Variants in SBNO1 observed in about 807,000 individuals in gnomAD.
The protein encoded by SBNO1 is protein strawberry notch homolog 1.
A neutral mutation model predicts 173.6 loss-of-function variants in SBNO1; 23 were observed. That is an observed-to-expected ratio of 0.13 (90% CI 0.10 to 0.19). The LOEUF is 0.19. SBNO1 is among the 10% of genes least tolerant of loss of function. The pLI is 1.00. For missense variants in SBNO1, 1,238 were observed against 1,671.2 expected (o/e 0.74, Z 4.52); for synonymous variants, 632 against 571.5 (o/e 1.11, Z -1.51).
At position 123,313,600 on chromosome 12, in the gene SBNO1, T is replaced by A. The variant is rs369607448; in HGVS notation, c.3220+20A>T. The A allele has an allele frequency of 8.3e-7, 1 of 1,208,766 alleles. No homozygotes were observed. The allele number at this position is 1,208,766 out of a possible 1,614,324, so 74.9% of individuals were successfully genotyped here. On this transcript the variant is annotated intron_variant, in intron 24 of 31. Transcript: ENST00000602398. ...TTGTCAATAATCATTGTCATTGTTA[T>A]GAATATTTGTAGAAGTTACCTTTAA...
intron 7 of SBNO1, among the ~76,000 whole-genome samples, chr12:123,333,103 G>C (rs1411551928): frequency 7.3e-6 from 1 of 137,088 alleles, no homozygotes; most frequent in South Asian, 2.6e-4. Flanking sequence ...CAGCCTGGAC[G>C]ACACAGTGAG....
chr12:123,315,102 T>A (rs150837565), intron 23 of SBNO1, among the ~76,000 whole-genome samples: 1 of 152,248 alleles, frequency 6.6e-6, no homozygotes, highest in African/African-American at 2.4e-5. Context: ...ATGAGAAAAA[T>A]TAACTTCCTT....
chr12:123,337,899 AT>A, intron 5 of SBNO1, among the ~76,000 whole-genome samples: 1 of 152,208 alleles, frequency 6.6e-6, no homozygotes, highest in East Asian at 1.9e-4. Context: ...GTTTTTTAAA[AT>A]CATCATAAAA....
intron 16 of SBNO1, among the ~76,000 whole-genome samples, chr12:123,322,541 G>A (rs1392579908): frequency 2.0e-5 from 3 of 151,548 alleles, no homozygotes; most frequent in South Asian, 2.1e-4. Context: ...CAGGTGATCC[G>A]CCTGTTTCAA....
At chr12:123,323,004 CATT>C (rs1870181748) in intron 16 of SBNO1, among the ~76,000 whole-genome samples, 1 of 152,160 alleles carries the variant, frequency 6.6e-6, no homozygotes, top group South Asian at 2.1e-4. Context: ...TCCCATGCAT[CATT>C]AACTATCTCT....
At chr12:123,333,718 G>A (rs1010672918) in intron 7 of SBNO1, among the ~76,000 whole-genome samples, 2 of 151,854 alleles carry the variant, frequency 1.3e-5, no homozygotes, top group African/African-American at 4.8e-5. Context: ...GACTGGTCGC[G>A]AACTCCTGGG....
chr12:123,302,607 C>A (rs1222679322), intron 30 of SBNO1, among the ~76,000 whole-genome samples: 1 of 152,116 alleles, frequency 6.6e-6, no homozygotes, highest in African/African-American at 2.4e-5. Flanking sequence ...CAACAGTTGG[C>A]TGGAAATAAG....
At chr12:123,331,837 C>T (rs1013205929) in intron 7 of SBNO1, among the ~76,000 whole-genome samples, 4 of 151,212 alleles carry the variant, frequency 2.6e-5, no homozygotes, top group Admixed American at 1.3e-4. Flanking sequence ...ATAGTTTTGG[C>T]TTTAATGTGG....
intron 4 of SBNO1, among the ~76,000 whole-genome samples, chr12:123,344,617 G>C (rs927112067): frequency 6.6e-6 from 1 of 152,172 alleles, no homozygotes. Context: ...GGGAGGCTAA[G>C]GTGGGCAGAC....
At chr12:123,357,606 TGGCG>T (rs1453402105) in intron 1 of SBNO1, among the ~76,000 whole-genome samples, 39 of 862 alleles carry the variant, frequency 0.045, no homozygotes, top group African/African-American at 0.057. Flanking sequence ...CTGGGCATGG[TGGCG>T]GGTGCCTGGT....
chr12:123,364,324 C>T, intron 1 of SBNO1: 1 of 985,664 alleles, frequency 1.0e-6, no homozygotes, highest in Non-Finnish European at 1.2e-6. Context: ...CCCGCAGCCC[C>T]CGGGTTGTGA....
intron 7 of SBNO1, among the ~76,000 whole-genome samples, chr12:123,333,265 T>A (rs1272158129): frequency 7.2e-6 from 1 of 138,906 alleles, no homozygotes; most frequent in African/African-American, 2.7e-5. Flanking sequence ...ATGACTGAAA[T>A]CATTTCAAGA....
At chr12:123,315,176 C>A (rs565962687) in intron 23 of SBNO1, among the ~76,000 whole-genome samples, 197 bp downstream of exon 23, 1 of 152,298 alleles carries the variant, frequency 6.6e-6, no homozygotes, top group South Asian at 2.1e-4. Flanking sequence ...GGAATAAAGA[C>A]AACTACATTG....
rs2048518144 is a variant in SBNO1 at position 123,291,884 on chromosome 12, TTAG to T, written c.*4021_*4023del. ...ACATATATATAAATACAGCACAAAA[TTAG>T]AGGGTGGGTTTTGGATTTTATCTCA... On this transcript the variant is annotated 3_prime_UTR_variant, in exon 32 of 32. Transcript: ENST00000602398. 1 of 151,892 alleles carries T rather than the reference TTAG, an allele frequency of 6.6e-6. No homozygotes were observed. Among genetic ancestry groups the T allele is most frequent in the Non-Finnish European group, 1.5e-5 (1 of 67,986 alleles). The allele number at this position is 151,892 out of a possible 1,614,324, so 9.4% of individuals were successfully genotyped here.
intron 13 of SBNO1, among the ~76,000 whole-genome samples, chr12:123,326,994 GTTTTTGT>G (rs1566037871): frequency 6.6e-6 from 1 of 151,942 alleles, no homozygotes; most frequent in Admixed American, 6.6e-5. Flanking sequence ...TCATCTGTTT[GTTTTTGT>G]TTTTTGTTTT....
chr12:123,361,744 A>AAG (rs1487828926), intron 1 of SBNO1, among the ~76,000 whole-genome samples: 1 of 150,624 alleles, frequency 6.6e-6, no homozygotes, highest in Admixed American at 6.6e-5. Flanking sequence ...AAAAAAAAAA[A>AAG]ATACAAAATT....
At chr12:123,338,807 A>T (rs1207172526) in intron 5 of SBNO1, among the ~76,000 whole-genome samples, 1 of 152,044 alleles carries the variant, frequency 6.6e-6, no homozygotes, top group Non-Finnish European at 1.5e-5. Context: ...TGGGAGGCAG[A>T]AGTTGCAGTG....
At chr12:123,355,252 C>T (rs1184189134) in intron 1 of SBNO1, among the ~76,000 whole-genome samples, 1 of 152,128 alleles carries the variant, frequency 6.6e-6, no homozygotes, top group African/African-American at 2.4e-5. Flanking sequence ...ATCTACTGAC[C>T]TCGTGATCCG....
intron 1 of SBNO1, among the ~76,000 whole-genome samples, chr12:123,350,789 G>A (rs534589027): frequency 2.6e-5 from 4 of 152,272 alleles, no homozygotes; most frequent in South Asian, 4.1e-4. Flanking sequence ...GGATCCTCTC[G>A]ACTATGCATT....
Sources: gnomAD v4.1 joint callset for allele counts (sites outside exome capture counted in the v4.1 genomes callset) on GRCh38, gnomAD v4.1.1 for gene constraint, MANE v1.5 for transcripts, NCBI Gene and HGNC (gene_info 2026-07-23, HGNC 2026-07-21) for gene names.